Variants in INPP4B observed in about 807,000 individuals in gnomAD.
The protein encoded by INPP4B is inositol polyphosphate-4-phosphatase type II B.
INPP4B carries 55 observed loss-of-function variants against 122.5 expected under a neutral mutation model. That is an observed-to-expected ratio of 0.45 (90% CI 0.36 to 0.56). The LOEUF is 0.56. Ranked by LOEUF, INPP4B falls within the 20% of genes least tolerant of loss-of-function variation. INPP4B has a pLI of 0.00. For synonymous variants in INPP4B, 403 were observed against 388.7 expected (o/e 1.04, Z -0.43); for missense variants, 1,000 against 1,097.7 (o/e 0.91, Z 1.26).
intron 16 of INPP4B, among the ~76,000 whole-genome samples, chr4:142,170,999 C>T (rs1456972046): frequency 6.6e-6 from 1 of 151,736 alleles, no homozygotes; most frequent in Admixed American, 6.6e-5. Context: ...ATATTGCCTA[C>T]TCAAAGACTC....
chr4:142,484,898 TC>T (rs564628729), intron 2 of INPP4B, among the ~76,000 whole-genome samples: 39 of 152,148 alleles, frequency 2.6e-4, no homozygotes, highest in African/African-American at 8.9e-4. Flanking sequence ...CAAATAGGGG[TC>T]CTGTATTTCG....
At chr4:142,345,174 T>C (rs1016080093) in intron 7 of INPP4B, among the ~76,000 whole-genome samples, 1 of 152,008 alleles carries the variant, frequency 6.6e-6, no homozygotes, top group Non-Finnish European at 1.5e-5. Flanking sequence ...AAAATATCTT[T>C]ATGGAAGAAT....
intron 15 of INPP4B, among the ~76,000 whole-genome samples, chr4:142,174,830 A>G (rs949107433): frequency 2.6e-5 from 4 of 152,038 alleles, no homozygotes; most frequent in African/African-American, 7.2e-5. Flanking sequence ...AGGTCTTACT[A>G]TGCTTGCACA....
At chr4:142,767,222 G>T (rs1267809778) in intron 1 of INPP4B, among the ~76,000 whole-genome samples, 1 of 152,106 alleles carries the variant, frequency 6.6e-6, no homozygotes, top group East Asian at 1.9e-4. Context: ...TCTTCCGGTG[G>T]GGGAGGGGAA....
intron 1 of INPP4B, among the ~76,000 whole-genome samples, chr4:142,802,630 C>A (rs1394427161): frequency 6.6e-6 from 1 of 152,086 alleles, no homozygotes. Flanking sequence ...AAGAATTTAG[C>A]ATTTTTCTCA....
chr4:142,071,118 G>C (rs1767013590), intron 25 of INPP4B, among the ~76,000 whole-genome samples: 1 of 152,096 alleles, frequency 6.6e-6, no homozygotes, highest in South Asian at 2.1e-4. Flanking sequence ...AAAACAGCAT[G>C]GTACTGGTCC....
chr4:142,504,111 T>C (rs1823717000), intron 2 of INPP4B, among the ~76,000 whole-genome samples: 1 of 152,034 alleles, frequency 6.6e-6, no homozygotes, highest in Admixed American at 6.6e-5. Context: ...AAATGATGGA[T>C]TTAGAAAAAT....
At chr4:142,328,451 G>A (rs990846577) in intron 7 of INPP4B, among the ~76,000 whole-genome samples, 4 of 152,038 alleles carry the variant, frequency 2.6e-5, no homozygotes, top group African/African-American at 9.7e-5. Flanking sequence ...TATTCAAATG[G>A]TATTTTCCTT....
chr4:142,341,045 T>A (rs898380558), intron 7 of INPP4B, among the ~76,000 whole-genome samples: 1 of 152,186 alleles, frequency 6.6e-6, no homozygotes, highest in African/African-American at 2.4e-5. Context: ...TGATAACAAT[T>A]AAGTTAAACT....
intron 2 of INPP4B, among the ~76,000 whole-genome samples, chr4:142,596,227 A>G (rs556161627): frequency 6.6e-6 from 1 of 152,250 alleles, no homozygotes; most frequent in South Asian, 2.1e-4. Flanking sequence ...TTAGTCCATT[A>G]AAGATAAAAT....
chr4:142,345,876 C>T (rs1405951592), intron 7 of INPP4B, among the ~76,000 whole-genome samples: 1 of 152,006 alleles, frequency 6.6e-6, no homozygotes, highest in Admixed American at 6.6e-5. Context: ...CATCAGTGTA[C>T]TCTTACCCCA....
At chr4:142,322,496 A>T (rs1770466107) in intron 7 of INPP4B, among the ~76,000 whole-genome samples, 1 of 152,188 alleles carries the variant, frequency 6.6e-6, no homozygotes, top group Admixed American at 6.5e-5. Context: ...GGAATTGGAG[A>T]GGACTCTGGC....
Position 142,751,187 on chromosome 4 carries a change from G to T in INPP4B, c.-253-25286C>A, listed in dbSNP as rs374614826. Among the ~76,000 whole-genome samples the T allele has an allele frequency of 2.0e-5, 3 of 150,334 alleles. No homozygotes were observed. In the East Asian group the frequency reaches 6.0e-4, roughly 30 times the overall value. On this transcript the variant is annotated intron_variant, in intron 1 of 25. Coordinates refer to ENST00000262992, the MANE Select transcript of INPP4B (RefSeq NM_001101669.3). ...TAGGGGCATTAGTCAAATGATAAAA[G>T]TGAGCTCTAAGAATAGTATAAATGA... is the stretch of plus-strand genomic sequence containing the variant.
intron 8 of INPP4B, among the ~76,000 whole-genome samples, chr4:142,307,071 T>G (rs1459076605): frequency 6.6e-6 from 1 of 152,102 alleles, no homozygotes; most frequent in Non-Finnish European, 1.5e-5. Flanking sequence ...AAAAAATAGA[T>G]TTGTGGAAAC....
At chr4:142,043,600 G>A (rs971370831) in intron 25 of INPP4B, among the ~76,000 whole-genome samples, 1 of 149,328 alleles carries the variant, frequency 6.7e-6, no homozygotes, top group Non-Finnish European at 1.5e-5. Flanking sequence ...ATGATTCACA[G>A]CTAGCTTTGG....
intron 2 of INPP4B, among the ~76,000 whole-genome samples, chr4:142,680,090 A>T (rs1399794940): frequency 1.3e-5 from 2 of 151,836 alleles, no homozygotes; most frequent in Non-Finnish European, 2.9e-5. Flanking sequence ...TCTGATTTAG[A>T]GCTATAACAT....
chr4:142,476,306 C>T (rs1401959855), intron 2 of INPP4B, among the ~76,000 whole-genome samples: 2 of 152,068 alleles, frequency 1.3e-5, no homozygotes, highest in Admixed American at 6.5e-5. Context: ...TTATTACCAC[C>T]GGACCTGCCT....
At chr4:142,253,104 A>G (rs984504175) in intron 11 of INPP4B, among the ~76,000 whole-genome samples, 3 of 152,224 alleles carry the variant, frequency 2.0e-5, no homozygotes, top group Non-Finnish European at 2.9e-5. Context: ...ATATCTAAAC[A>G]TAGAAAAGGT....
At chr4:142,136,919 T>C (rs1804676625) in intron 18 of INPP4B, among the ~76,000 whole-genome samples, 1 of 152,196 alleles carries the variant, frequency 6.6e-6, no homozygotes, top group African/African-American at 2.4e-5. Context: ...TCCATACTCA[T>C]GGGCAGGAAG....
Sources: gnomAD v4.1 joint callset for allele counts (sites outside exome capture counted in the v4.1 genomes callset) on GRCh38, gnomAD v4.1.1 for gene constraint, MANE v1.5 for transcripts, NCBI Gene and HGNC (gene_info 2026-07-23, HGNC 2026-07-21) for gene names.